The following SELENOF variants were observed in gnomAD, a reference collection of about 807,000 sequenced individuals.
SELENOF encodes the protein 15 kDa selenoprotein.
SELENOF carries 16 observed loss-of-function variants against 20.5 expected under a neutral mutation model. The observed-to-expected ratio is 0.78, with a 90% CI of 0.53 to 1.19. The LOEUF is 1.19. Among genes scored for constraint, SELENOF ranks in the 50% most tolerant of loss-of-function variants. The pLI is 0.00. For synonymous variants in SELENOF, 78 were observed against 74.5 expected (o/e 1.05, Z -0.24); for missense variants, 215 against 194.2 (o/e 1.11, Z -0.64).
intron 2 of SELENOF, among the ~76,000 whole-genome samples, chr1:86,893,764 A>G (rs1659449639): frequency 1.3e-5 from 2 of 152,338 alleles, no homozygotes; most frequent in African/African-American, 4.8e-5. Flanking sequence ...GTTGGAGTGC[A>G]TGCAAATATC....
chr1:86,885,301 C>A (rs1283158258), intron 2 of SELENOF, among the ~76,000 whole-genome samples: 2 of 152,094 alleles, frequency 1.3e-5, no homozygotes, highest in Non-Finnish European at 1.5e-5. Context: ...TAGAAAAAGG[C>A]CACACTATTT....
At chr1:86,892,006 A>G (rs1306930541) in intron 2 of SELENOF, among the ~76,000 whole-genome samples, 7 of 151,626 alleles carry the variant, frequency 4.6e-5, no homozygotes, top group African/African-American at 7.3e-5. Context: ...TCTCGGTTCA[A>G]TGCAACCTCT....
intron 3 of SELENOF, 76 bp downstream of exon 3, chr1:86,880,586 A>C (rs1391198079): frequency 9.3e-6 from 7 of 754,038 alleles, no homozygotes; most frequent in Non-Finnish European, 1.5e-5. Context: ...ATTCCTGGGA[A>C]TATATAGTGA....
intron 3 of SELENOF, among the ~76,000 whole-genome samples, chr1:86,879,831 T>C (rs774636501): frequency 1.3e-5 from 2 of 152,224 alleles, no homozygotes; most frequent in Non-Finnish European, 2.9e-5. Context: ...ACCTTCACAA[T>C]TATCCTTTAA....
At chr1:86,876,421 G>A (rs1406986949) in intron 3 of SELENOF, among the ~76,000 whole-genome samples, 1 of 152,166 alleles carries the variant, frequency 6.6e-6, no homozygotes, top group Non-Finnish European at 1.5e-5. Flanking sequence ...ACCACAGTCT[G>A]TAGGACTGTA....
chr1:86,913,150 A>G lies in SELENOF; in HGVS notation c.84+878T>C, dbSNP rs373982622. On this transcript the variant is annotated intron_variant, in intron 1 of 4. Coordinates refer to ENST00000331835, the MANE Select transcript of SELENOF (RefSeq NM_004261.5). ...GAAAGGTAAGTACAGGTGTTCATAG[A>G]GGACTCCGGTGTAGTCCCTTAACAC... Among the ~76,000 whole-genome samples, 23 of 152,344 alleles carry G rather than the reference A, an allele frequency of 1.5e-4. No individual in the cohort carries two copies. In the East Asian group the frequency reaches 2.3e-3, roughly 15 times the overall value.
intron 1 of SELENOF, among the ~76,000 whole-genome samples, chr1:86,909,439 T>G (rs1659920384): frequency 6.6e-6 from 1 of 151,894 alleles, no homozygotes; most frequent in South Asian, 2.1e-4. Flanking sequence ...GCTTCCTCAC[T>G]GCTCTACACA....
intron 4 of SELENOF, among the ~76,000 whole-genome samples, chr1:86,866,704 G>T (rs889541444): frequency 9.2e-5 from 14 of 152,096 alleles, no homozygotes; most frequent in Non-Finnish European, 2.9e-5. Flanking sequence ...CAAATGAAAA[G>T]ATATTCAAAT....
chr1:86,870,928 ATTTT>A (rs397861089), intron 3 of SELENOF, among the ~76,000 whole-genome samples: 3 of 148,128 alleles, frequency 2.0e-5, no homozygotes, highest in African/African-American at 7.4e-5. Flanking sequence ...CAGTAAAAAG[ATTTT>A]TTTTTTTTAA....
chr1:86,902,958 T>C (rs1659738440), intron 2 of SELENOF, among the ~76,000 whole-genome samples: 1 of 152,234 alleles, frequency 6.6e-6, no homozygotes, highest in South Asian at 2.1e-4. Flanking sequence ...TTACTATAAA[T>C]GAACAAAAGC....
intron 1 of SELENOF, among the ~76,000 whole-genome samples, chr1:86,907,222 G>A (rs991819044): frequency 7.9e-5 from 12 of 152,128 alleles, no homozygotes; most frequent in African/African-American, 2.7e-4. Flanking sequence ...CTAGCATCCC[G>A]CCCAGTACAC....
chr1:86,877,718 T>C (rs949180271), intron 3 of SELENOF, among the ~76,000 whole-genome samples: 6 of 152,188 alleles, frequency 3.9e-5, no homozygotes, highest in East Asian at 1.9e-4. Flanking sequence ...AATACAGAGG[T>C]TGCCAAACGG....
intron 3 of SELENOF, among the ~76,000 whole-genome samples, chr1:86,878,488 T>A (rs952876749): frequency 6.6e-6 from 1 of 152,204 alleles, no homozygotes; most frequent in African/African-American, 2.4e-5. Flanking sequence ...GAGACCAGCC[T>A]GGCCAACATG....
chr1:86,880,756 C>G, intron 2 of SELENOF, 31 bp from the exon 3 acceptor site: 1 of 1,361,730 alleles, frequency 7.3e-7, no homozygotes, highest in Non-Finnish European at 1.0e-6. Flanking sequence ...ATTTAAAAAA[C>G]TGGTATAAAT....
At chr1:86,885,137 G>A (rs1659181383) in intron 2 of SELENOF, among the ~76,000 whole-genome samples, 1 of 152,050 alleles carries the variant, frequency 6.6e-6, no homozygotes, top group African/African-American at 2.4e-5. Flanking sequence ...TGTTTTCCCA[G>A]TTTAAATATT....
At chr1:86,908,093 T>G (rs1408546427) in intron 1 of SELENOF, among the ~76,000 whole-genome samples, 1 of 152,080 alleles carries the variant, frequency 6.6e-6, no homozygotes, top group Non-Finnish European at 1.5e-5. Context: ...GATGAGAGAG[T>G]TGGCAGCAGA....
At chr1:86,897,390 G>A (rs1354890993) in intron 2 of SELENOF, among the ~76,000 whole-genome samples, 1 of 152,170 alleles carries the variant, frequency 6.6e-6, no homozygotes, top group African/African-American at 2.4e-5. Flanking sequence ...GTATCCCTAA[G>A]TGTTTTGGGA....
rs192790410 is a variant in SELENOF at position 86,906,542 on chromosome 1, A to T, written c.85-3094T>A. ...TTCTGAGGGTAGGTCGTAAAAGAGC[A>T]AACAGCCTCTGCCTGGCTAGTATTC... On this transcript the variant is annotated intron_variant, in intron 1 of 4. Transcript: ENST00000331835. 4.6e-5 allele frequency among the ~76,000 whole-genome samples: 7 copies of T among 152,372 alleles called. 1 individual carries two copies. The East Asian group carries it at 1.3e-3, about 29-fold the overall frequency.
intron 3 of SELENOF, among the ~76,000 whole-genome samples, chr1:86,878,905 C>T (rs1284358150): frequency 1.3e-5 from 2 of 152,166 alleles, no homozygotes; most frequent in South Asian, 2.1e-4. Context: ...TACAGTTACA[C>T]ATTATGGAAT....
Sources: allele counts gnomAD v4.1 joint callset (sites outside exome capture counted in the v4.1 genomes callset), GRCh38; gene constraint gnomAD v4.1.1; transcripts MANE v1.5; gene names NCBI Gene and HGNC (gene_info 2026-07-23, HGNC 2026-07-21).